NFAT5: variants seen among roughly 807,000 people sequenced by gnomAD.
NFAT5 encodes nuclear factor of activated T cells 5.
A neutral mutation model predicts 166.5 loss-of-function variants in NFAT5; 31 were observed. That is an observed-to-expected ratio of 0.19 (90% CI 0.14 to 0.25). The LOEUF (loss-of-function observed/expected upper bound fraction) is 0.25. Ranked by LOEUF, NFAT5 falls within the 10% of genes least tolerant of loss-of-function variation. The probability of loss-of-function intolerance (pLI) is 1.00; values close to 1 mark genes in which losing one functional copy is unlikely to be tolerated. For missense variants in NFAT5, 1,449 were observed against 1,821.8 expected (o/e 0.80, Z 3.72); for synonymous variants, 612 against 639.7 (o/e 0.96, Z 0.65).
chr16:69,623,853 G>GAAA (rs79354297), intron 2 of NFAT5, among the ~76,000 whole-genome samples: 2 of 117,262 alleles, frequency 1.7e-5, no homozygotes, highest in Non-Finnish European at 3.7e-5. Context: ...AAGGAAATTT[G>GAAA]AAAAAAAAAA....
intron 6 of NFAT5, among the ~76,000 whole-genome samples, chr16:69,657,988 G>C (rs1226981791): frequency 9.4e-6 from 1 of 106,450 alleles, no homozygotes; most frequent in African/African-American, 3.3e-5. Flanking sequence ...CAGAGGCTGA[G>C]GCAGGAGAAT....
chr16:69,648,669 C>G (rs1285670935), intron 4 of NFAT5: 3 of 963,688 alleles, frequency 3.1e-6, no homozygotes, highest in Non-Finnish European at 3.7e-6. Flanking sequence ...TATTTAATTG[C>G]TAGACTTTTA....
chr16:69,686,513 G>A (rs2037312116), intron 11 of NFAT5, among the ~76,000 whole-genome samples: 1 of 151,906 alleles, frequency 6.6e-6, no homozygotes, highest in Non-Finnish European at 1.5e-5. Context: ...AAGGAACAAG[G>A]TTCTCAAAAA....
At chr16:69,658,880 A>G (rs545664391) in intron 6 of NFAT5, among the ~76,000 whole-genome samples, 36 of 152,248 alleles carry the variant, frequency 2.4e-4, no homozygotes, top group Non-Finnish European at 2.4e-4. Flanking sequence ...AATAACCGCT[A>G]TTTTAATGTG....
At chr16:69,678,349 G>C (rs1296387932) in intron 10 of NFAT5, among the ~76,000 whole-genome samples, 1 of 151,628 alleles carries the variant, frequency 6.6e-6, no homozygotes, top group Non-Finnish European at 1.5e-5. Context: ...CGAGTAGCTG[G>C]GACTACGGGT....
chr16:69,653,163 G>A, intron 4 of NFAT5, 73 bp from the exon 5 acceptor site: 1 of 1,074,398 alleles, frequency 9.3e-7, no homozygotes, highest in Non-Finnish European at 1.3e-6. Flanking sequence ...TTCTTCCTTT[G>A]TCTTAATGGC....
At position 69,659,752 on chromosome 16, in the gene NFAT5, T is replaced by C. The variant is rs1442752030; in HGVS notation, c.1222T>C (p.Leu408=). 12 of 1,613,602 alleles carry C rather than the reference T, an allele frequency of 7.4e-6. No individual in the cohort carries two copies. Among genetic ancestry groups the C allele is most frequent in the East Asian group, 2.2e-5 (1 of 44,866 alleles). ...LAVDCVGILK[L]RNADVEARIG... is the part of the protein sequence containing the mutation. ...GGTGGACTGCGTAGGGATATTGAAA[T>C]TGAGGAATGCTGATGTCGAAGCCAG... is the stretch of plus-strand genomic sequence containing the variant. Residue 408 remains leucine (L), a synonymous_variant, in exon 7 of 15, where the codon TTG becomes CTG. Coordinates refer to ENST00000349945, the MANE Select transcript of NFAT5 (RefSeq NM_138713.4).
At chr16:69,567,881 G>C (rs190639133) in intron 1 of NFAT5, among the ~76,000 whole-genome samples, 2 of 152,274 alleles carry the variant, frequency 1.3e-5, no homozygotes, top group East Asian at 3.9e-4. Flanking sequence ...AACACCATTT[G>C]GGGAGTAATC....
intron 2 of NFAT5, among the ~76,000 whole-genome samples, chr16:69,594,224 A>G (rs1207023939): frequency 2.6e-5 from 4 of 152,338 alleles, no homozygotes; most frequent in Non-Finnish European, 5.9e-5. Flanking sequence ...ATAGCCTGCT[A>G]CATATCTAGG....
intron 10 of NFAT5, among the ~76,000 whole-genome samples, chr16:69,678,846 A>C (rs1371480914): frequency 6.6e-6 from 1 of 152,238 alleles, no homozygotes; most frequent in East Asian, 1.9e-4. Flanking sequence ...CCTGGCATCA[A>C]AAAGTGAAGA....
chr16:69,594,580 T>G (rs1394385699), intron 2 of NFAT5, among the ~76,000 whole-genome samples: 3 of 152,212 alleles, frequency 2.0e-5, no homozygotes, highest in Non-Finnish European at 4.4e-5. Context: ...ATTATGATCT[T>G]ATGGCACCAC....
At chr16:69,606,646 G>A (rs2033426605) in intron 2 of NFAT5, among the ~76,000 whole-genome samples, 1 of 152,056 alleles carries the variant, frequency 6.6e-6, no homozygotes, top group South Asian at 2.1e-4. Context: ...CCTGATGCTA[G>A]GAGTTCAAAA....
At chr16:69,603,200 T>C (rs533337267) in intron 2 of NFAT5, among the ~76,000 whole-genome samples, 1 of 152,300 alleles carries the variant, frequency 6.6e-6, no homozygotes, top group Non-Finnish European at 1.5e-5. Context: ...GTCTTACACT[T>C]TTAAAAAATT....
At chr16:69,608,037 A>T (rs548169235) in intron 2 of NFAT5, among the ~76,000 whole-genome samples, 1 of 152,252 alleles carries the variant, frequency 6.6e-6, no homozygotes, top group South Asian at 2.1e-4. Context: ...ATGGTAGTAT[A>T]ATCATGTAAC....
Position 69,693,321 on chromosome 16 carries a change from A to C in NFAT5, c.3496A>C (p.Asn1166His). ...TNIFLSQSPM[N>H]NLQTNTVAQE... ...CATATTTCTTTCCCAGAGTCCCATG[A>C]ATAATCTTCAGACTAACACAGTAGC... The change falls in exon 13 of 15, where the codon AAT becomes CAT. Residue 1166 changes from asparagine (N) to histidine (H), a missense_variant. Asn to His is a moderately conservative substitution (Grantham distance 68). Transcript: ENST00000349945. 1 of 1,614,224 alleles carries C rather than the reference A, an allele frequency of 6.2e-7. No homozygotes were observed. The highest frequency in any genetic ancestry group is 8.5e-7 in the Non-Finnish European group (1 of 1,180,048).
intron 2 of NFAT5, among the ~76,000 whole-genome samples, chr16:69,623,509 A>G (rs958871325): frequency 6.7e-6 from 1 of 150,236 alleles, no homozygotes; most frequent in Admixed American, 6.7e-5. Flanking sequence ...TATTATTATT[A>G]TTGTTATTTT....
chr16:69,671,042 A>G (rs573157894), intron 9 of NFAT5, among the ~76,000 whole-genome samples: 1 of 152,252 alleles, frequency 6.6e-6, no homozygotes, highest in South Asian at 2.1e-4. Flanking sequence ...GACAATCTAT[A>G]GCCACTTTAT....
At chr16:69,589,663 A>C (rs1014714447) in intron 2 of NFAT5, among the ~76,000 whole-genome samples, 4 of 152,202 alleles carry the variant, frequency 2.6e-5, no homozygotes, top group African/African-American at 9.6e-5. Context: ...GGATGATTCA[A>C]ATCACTTTGA....
At chr16:69,631,089 C>T (rs2034694378) in intron 3 of NFAT5, among the ~76,000 whole-genome samples, 1 of 152,142 alleles carries the variant, frequency 6.6e-6, no homozygotes, top group African/African-American at 2.4e-5. Context: ...TCTAAGTGGA[C>T]TGTTTGAAGT....
Sources: gnomAD v4.1 joint callset for allele counts (sites outside exome capture counted in the v4.1 genomes callset) on GRCh38, gnomAD v4.1.1 for gene constraint, MANE v1.5 for transcripts, NCBI Gene and HGNC (gene_info 2026-07-23, HGNC 2026-07-21) for gene names.